MIR2052HG: variants seen among roughly 807,000 people sequenced by gnomAD.
MIR2052HG encodes the protein MIR2052 host gene.
chr8:74,650,268 A>G (rs1226276839), intron 2 of MIR2052HG, among the ~76,000 whole-genome samples: 1 of 152,162 alleles, frequency 6.6e-6, no homozygotes, highest in African/African-American at 2.4e-5. Flanking sequence ...GGAATTTCGT[A>G]TAAATAAAAT....
At chr8:74,727,647 C>T (rs1809650641) in intron 4 of MIR2052HG, among the ~76,000 whole-genome samples, 1 of 152,096 alleles carries the variant, frequency 6.6e-6, no homozygotes, top group Non-Finnish European at 1.5e-5. Flanking sequence ...TAAAACAGAC[C>T]TACTTGCATA....
chr8:74,640,536 G>A (rs528125891), intron 2 of MIR2052HG, among the ~76,000 whole-genome samples: 28 of 150,806 alleles, frequency 1.9e-4, no homozygotes, highest in Admixed American at 9.9e-4. Context: ...AGTTCTGAAA[G>A]CAATTCAAAG....
intron 2 of MIR2052HG, among the ~76,000 whole-genome samples, chr8:74,688,938 CT>C (rs34800746): frequency 1.3e-5 from 2 of 152,104 alleles, no homozygotes; most frequent in East Asian, 1.9e-4. Context: ...GAGGAACTTC[CT>C]TTTTAAAATG....
intron 2 of MIR2052HG, among the ~76,000 whole-genome samples, chr8:74,688,039 T>C (rs1472545254): frequency 6.6e-6 from 1 of 152,168 alleles, no homozygotes; most frequent in Non-Finnish European, 1.5e-5. Flanking sequence ...TGAGGGCTCT[T>C]CAAAAAGGCT....
intron 2 of MIR2052HG, among the ~76,000 whole-genome samples, chr8:74,687,207 G>A (rs1809189908): frequency 6.6e-6 from 1 of 152,058 alleles, no homozygotes; most frequent in Non-Finnish European, 1.5e-5. Context: ...AGTGTTGGTG[G>A]GGACTTCGAA....
intron 2 of MIR2052HG, among the ~76,000 whole-genome samples, chr8:74,656,385 GT>G (rs1808806501): frequency 6.6e-6 from 1 of 152,102 alleles, no homozygotes; most frequent in African/African-American, 2.4e-5. Context: ...ATTCCCCTGT[GT>G]TGTGGGAGGG....
At chr8:74,712,643 A>T (rs1055629932) in intron 4 of MIR2052HG, among the ~76,000 whole-genome samples, 1 of 151,822 alleles carries the variant, frequency 6.6e-6, no homozygotes, top group African/African-American at 2.4e-5. Context: ...TTTGTATTAC[A>T]ACTTGGCTAC....
At chr8:74,735,912 A>G (rs1201388387) in intron 4 of MIR2052HG, among the ~76,000 whole-genome samples, 1 of 152,244 alleles carries the variant, frequency 6.6e-6, no homozygotes, top group African/African-American at 2.4e-5. Flanking sequence ...AATAGGCAAT[A>G]GTCTTGCTCT....
intron 2 of MIR2052HG, among the ~76,000 whole-genome samples, chr8:74,635,274 C>G (rs1808569409): frequency 6.6e-6 from 1 of 151,100 alleles, no homozygotes; most frequent in Admixed American, 6.6e-5. Context: ...GAAGGTTTAC[C>G]TCTAGTGAAT....
chr8:74,648,032 A>G (rs911325016), intron 2 of MIR2052HG, among the ~76,000 whole-genome samples: 10 of 152,198 alleles, frequency 6.6e-5, no homozygotes, highest in East Asian at 1.9e-4. Flanking sequence ...AAAAGAACAG[A>G]ATAACAATGA....
At chr8:74,649,790 A>G (rs1409475131) in intron 2 of MIR2052HG, among the ~76,000 whole-genome samples, 43 of 152,086 alleles carry the variant, frequency 2.8e-4, no homozygotes. Context: ...GAAAAGTAAT[A>G]TTTAAGTTCA....
intron 4 of MIR2052HG, among the ~76,000 whole-genome samples, chr8:74,706,849 G>A (rs991462479): frequency 6.6e-6 from 1 of 152,060 alleles, no homozygotes; most frequent in African/African-American, 2.4e-5. Flanking sequence ...GCGGGGAAGG[G>A]CATATTCTGC....
chr8:74,683,238 ATTTG>A (rs1159636892), intron 2 of MIR2052HG, among the ~76,000 whole-genome samples: 1 of 152,106 alleles, frequency 6.6e-6, no homozygotes, highest in Non-Finnish European at 1.5e-5. Context: ...GAAAAATTGT[ATTTG>A]TTTTTCAGGA....
intron 2 of MIR2052HG, among the ~76,000 whole-genome samples, chr8:74,667,197 G>A (rs142016157): frequency 1.9e-4 from 29 of 152,304 alleles, no homozygotes; most frequent in Admixed American, 1.8e-3. Context: ...GGAGGGGTAT[G>A]AATGTGGAGA....
intron 4 of MIR2052HG, among the ~76,000 whole-genome samples, chr8:74,705,947 G>GA (rs1211687078): frequency 6.6e-6 from 1 of 152,038 alleles, no homozygotes; most frequent in Non-Finnish European, 1.5e-5. Flanking sequence ...GATATCATTA[G>GA]AAAAATTGTG....
In MIR2052HG at chr8:74,744,315, T is replaced by TTTTA. The variant is rs913929092; in HGVS notation, n.372-8107_372-8104dup. ...ATTTTTAGAGATGGGGTCTCACTAT[T>TTTTA]TTTATTTATTTATTTATTTATTATT... On this transcript the variant is annotated intron_variant and non_coding_transcript_variant, in intron 4 of 6. Transcript: ENST00000523442. Among the ~76,000 whole-genome samples the TTTTA allele has an allele frequency of 4.7e-4, 72 of 151,856 alleles. 1 individual carries two copies. The highest frequency in any genetic ancestry group is 6.3e-4 in the African/African-American group (26 of 41,512).
At chr8:74,698,443 T>G (rs1056679943) in intron 2 of MIR2052HG, among the ~76,000 whole-genome samples, 6 of 152,138 alleles carry the variant, frequency 3.9e-5, no homozygotes, top group Non-Finnish European at 8.8e-5. Context: ...AGACATTGGC[T>G]TAGGCAAAGA....
At chr8:74,682,153 T>C (rs189013713) in intron 2 of MIR2052HG, among the ~76,000 whole-genome samples, 184 of 152,228 alleles carry the variant, frequency 1.2e-3, no homozygotes, top group Non-Finnish European at 2.2e-3. Flanking sequence ...ATACAATATA[T>C]AAAAAATGCA....
intron 2 of MIR2052HG, among the ~76,000 whole-genome samples, chr8:74,673,295 G>C (rs754619590): frequency 7.9e-5 from 12 of 152,000 alleles, no homozygotes; most frequent in Non-Finnish European, 1.8e-4. Context: ...CTCCCTGCTA[G>C]TTTAATGAGT....
Sources: allele counts gnomAD v4.1 joint callset (sites outside exome capture counted in the v4.1 genomes callset), GRCh38; gene constraint gnomAD v4.1.1; transcripts MANE v1.5; gene names NCBI Gene and HGNC (gene_info 2026-07-23, HGNC 2026-07-21).